The following CACNA1B variants were observed in gnomAD, a reference collection of about 807,000 sequenced individuals.
CACNA1B encodes voltage-dependent N-type calcium channel subunit alpha-1B.
A neutral mutation model predicts 247.2 loss-of-function variants in CACNA1B; 70 were observed. That is an observed-to-expected ratio of 0.28 (90% confidence interval 0.23 to 0.35). The LOEUF is 0.35. CACNA1B is among the 10% of genes least tolerant of loss of function. CACNA1B has a pLI of 1.00. For missense variants in CACNA1B, 2,367 were observed against 3,197.4 expected, an observed-to-expected ratio of 0.74 and a Z score of 6.26; for synonymous variants, 1,231 against 1,294.4, an observed-to-expected ratio of 0.95 and a Z score of 1.05.
intron 10 of CACNA1B, among the ~76,000 whole-genome samples, chr9:137,965,276 G>T (rs1298735938): frequency 6.6e-6 from 1 of 152,258 alleles, no homozygotes; most frequent in Non-Finnish European, 1.5e-5. Context: ...AGCTTTCCAA[G>T]TCCCACAGGC....
rs1172687323 is a variant in CACNA1B, at chr9:138,023,080, C to A, written c.2337C>A (p.Asn779Lys). The A allele has an allele frequency of 3.3e-6, 5 of 1,529,746 alleles. No individual in the cohort carries two copies. The highest frequency in any genetic ancestry group is 4.4e-6 in the Non-Finnish European group (5 of 1,145,028). 94.8% of individuals were successfully genotyped at this position (1,529,746 alleles called of 1,614,324 possible). A position where few individuals can be genotyped will look rare whatever the true frequency, so the allele number is the denominator to read the frequency against. The change falls in exon 19 of 47, where the codon AAC becomes AAA. Residue 779 changes from asparagine to lysine, a missense_variant. Physicochemically the swap from Asn to Lys is moderately conservative, Grantham distance 94 (BLOSUM62 0). This residue lies in a region of CACNA1B where 631 missense variants were observed against 631.1 expected (regional missense o/e 1.00). Transcript: ENST00000371372. ...GGGCCAGCCAGCTACGGCTGCAGAACCTGCGGGCCAGCTGCGAGGCGCTGT... is the reference window on the plus strand; with the variant it reads ...GGGCCAGCCAGCTACGGCTGCAGAAACTGCGGGCCAGCTGCGAGGCGCTGT... ...EQRASQLRLQ[N>K]LRASCEALYS...
chr9:137,906,164 C>A (rs1957296673), intron 3 of CACNA1B, among the ~76,000 whole-genome samples: 1 of 152,124 alleles, frequency 6.6e-6, no homozygotes, highest in Non-Finnish European at 1.5e-5. Flanking sequence ...ACTTTGAATT[C>A]TTCGTCAAAA....
At chr9:137,931,800 C>T (rs368572524) in intron 6 of CACNA1B, among the ~76,000 whole-genome samples, 3 of 151,974 alleles carry the variant, frequency 2.0e-5, no homozygotes, top group African/African-American at 4.8e-5. Flanking sequence ...GGTCTCTGGG[C>T]GAGAGGAAAT....
intron 42 of CACNA1B, among the ~76,000 whole-genome samples, chr9:138,117,186 C>T (rs1961897361): frequency 6.6e-6 from 1 of 152,082 alleles, no homozygotes. Flanking sequence ...CCGGGTGGGG[C>T]TGTTGGGGCA....
chr9:137,951,520 C>T (rs1957877932), intron 6 of CACNA1B, among the ~76,000 whole-genome samples: 1 of 152,218 alleles, frequency 6.6e-6, no homozygotes, highest in Non-Finnish European at 1.5e-5. Flanking sequence ...TTGGCACCCA[C>T]CACCCTCCTG....
chr9:138,039,304 C>T (rs1416411832), intron 20 of CACNA1B, among the ~76,000 whole-genome samples: 1 of 150,976 alleles, frequency 6.6e-6, no homozygotes, highest in Non-Finnish European at 1.5e-5. Flanking sequence ...TTGTATTTAT[C>T]TCTTTTCTTC....
chr9:138,019,602 G>T (rs1353479688), intron 18 of CACNA1B, among the ~76,000 whole-genome samples: 1 of 152,058 alleles, frequency 6.6e-6, no homozygotes, highest in Non-Finnish European at 1.5e-5. Flanking sequence ...GAAGTGGCCA[G>T]GTGTCCTGTC....
At position 138,011,590 on chromosome 9, in the gene CACNA1B, AC is replaced by A. The variant is rs1377468300; in HGVS notation, c.2160+1515del. ...GAGGATAAACTTGAATTTGTTTTAGACCTTCCAGGGGACTTTAGAACACTCC... is the reference window on the plus strand; with the variant it reads ...GAGGATAAACTTGAATTTGTTTTAGACTTCCAGGGGACTTTAGAACACTCC... On this transcript the variant is annotated intron_variant, in intron 17 of 46. Coordinates refer to ENST00000371372, the MANE Select transcript of CACNA1B (RefSeq NM_000718.4). This position sits in a 1 kb window ranked among gnomAD's most constrained non-coding sequence, Gnocchi z 4.2. Among the ~76,000 whole-genome samples, 121 of 152,202 alleles carry A rather than the reference AC, an allele frequency of 7.9e-4. No homozygotes were observed. Among genetic ancestry groups the A allele is most frequent in the Non-Finnish European group, 4.4e-5 (3 of 67,992 alleles).
rs1174837215 is a variant in CACNA1B, at chr9:138,062,574, C to T, written c.4668+2837C>T. On this transcript the variant is annotated intron_variant, in intron 31 of 46. Transcript: ENST00000371372. ...TTTGGTGTCATAGACAGCGATGTCTCTTGGTGACACACACAGCTGCCACCA... is the reference window on the plus strand; with the variant it reads ...TTTGGTGTCATAGACAGCGATGTCTTTTGGTGACACACACAGCTGCCACCA... Among the ~76,000 whole-genome samples, 3 of 152,320 alleles carry T rather than the reference C, an allele frequency of 2.0e-5. No homozygotes were observed. The East Asian group carries it at 5.8e-4, about 29-fold the overall frequency.
At chr9:138,033,499 C>T (rs1189262698) in intron 20 of CACNA1B, among the ~76,000 whole-genome samples, 1 of 152,056 alleles carries the variant, frequency 6.6e-6, no homozygotes, top group Non-Finnish European at 1.5e-5. Context: ...GTTATGAGCC[C>T]TAAGTCTTAT....
intron 8 of CACNA1B, among the ~76,000 whole-genome samples, chr9:137,956,341 C>T (rs1957947115): frequency 2.0e-5 from 3 of 152,160 alleles, no homozygotes; most frequent in Admixed American, 1.3e-4. Flanking sequence ...GCTGTGGGCC[C>T]TGCTGGCTTC....
intron 11 of CACNA1B, among the ~76,000 whole-genome samples, chr9:137,972,750 C>T (rs1434796285): frequency 6.6e-6 from 1 of 152,196 alleles, no homozygotes; most frequent in Non-Finnish European, 1.5e-5. Flanking sequence ...GTTTCCCAAA[C>T]TTGACATTGA....
rs115820995 is a variant in CACNA1B, at chr9:137,989,425, G to T, written c.1974+2571G>T. ...GAGTGGAGGCTCCCATGTGAGGTGCGAAAGAGAGGGTGGCCAGTGCCCCTT... is the reference window on the plus strand; with the variant it reads ...GAGTGGAGGCTCCCATGTGAGGTGCTAAAGAGAGGGTGGCCAGTGCCCCTT... On this transcript the variant is annotated intron_variant, in intron 15 of 46. Coordinates refer to ENST00000371372, the MANE Select transcript of CACNA1B (RefSeq NM_000718.4). 3.2e-3 allele frequency among the ~76,000 whole-genome samples: 490 copies of T among 152,226 alleles called. 4 individuals carry two copies. Among genetic ancestry groups the T allele is most frequent in the African/African-American group, 0.011 (473 of 41,542 alleles).
chr9:138,029,852 T>C (rs1463703062), intron 20 of CACNA1B, among the ~76,000 whole-genome samples: 2 of 152,170 alleles, frequency 1.3e-5, no homozygotes, highest in African/African-American at 4.8e-5. Context: ...TGACCTCAAG[T>C]GATCTGCCTT....
In CACNA1B at chr9:137,889,168, G is replaced by A. The variant is rs1326278091; in HGVS notation, c.530+6285G>A. Among the ~76,000 whole-genome samples, 125 of 150,482 alleles carry A rather than the reference G, an allele frequency of 8.3e-4. 5 individuals are homozygous for A. The South Asian group carries it at 0.022, about 27-fold the overall frequency. On this transcript the variant is annotated intron_variant, in intron 3 of 46. Coordinates refer to ENST00000371372, the MANE Select transcript of CACNA1B (RefSeq NM_000718.4). Reference sequence around the variant, plus strand: ...GGTGACAAGAGACACTGTGCCCGAGGGGCCAGGACACGTTGGAGCATGGAC... The same window carrying A: ...GGTGACAAGAGACACTGTGCCCGAGAGGCCAGGACACGTTGGAGCATGGAC...
chr9:138,079,543 G>A (rs1380019365), intron 36 of CACNA1B, among the ~76,000 whole-genome samples: 1 of 152,092 alleles, frequency 6.6e-6, no homozygotes, highest in Non-Finnish European at 1.5e-5. Context: ...AGGAGCTCAA[G>A]ACCAGCCTGG....
At chr9:137,892,379 C>A (rs866711025) in intron 3 of CACNA1B, 2 of 456,192 alleles carry the variant, frequency 4.4e-6, no homozygotes, top group Non-Finnish European at 8.8e-6. Context: ...CTGGGGCAGG[C>A]GGGATGCAGG....
At chr9:137,927,204 T>A (rs1232460672) in intron 6 of CACNA1B, among the ~76,000 whole-genome samples, 3 of 151,880 alleles carry the variant, frequency 2.0e-5, no homozygotes, top group African/African-American at 2.4e-5. Context: ...TTTTATTTAA[T>A]TTTTGTATAT....
In CACNA1B at chr9:138,122,899, G is replaced by C. The variant is rs1962150071; in HGVS notation, c.*900G>C. 6.6e-6 allele frequency: 1 copy of C among 152,232 alleles called. No individual in the cohort carries two copies. The highest frequency in any genetic ancestry group is 2.4e-5 in the African/African-American group (1 of 41,456). The allele number at this position is 152,232 out of a possible 1,614,324, so 9.4% of individuals were successfully genotyped here. A position where few individuals can be genotyped will look rare whatever the true frequency, so the allele number is the denominator to read the frequency against. On this transcript the variant is annotated 3_prime_UTR_variant, in exon 47 of 47. Coordinates refer to ENST00000371372, the MANE Select transcript of CACNA1B (RefSeq NM_000718.4). ...GCCTCGGGATCCATCACCGCAGGAT[G>C]CTGTGAAAAGTACTCGCGATGGCAG...
Sources: allele counts gnomAD v4.1 joint callset (sites outside exome capture counted in the v4.1 genomes callset), GRCh38; gene constraint gnomAD v4.1.1; regional missense constraint gnomAD v4.1.1; non-coding constraint Gnocchi (gnomAD v3.1); transcripts MANE v1.5; gene names NCBI Gene and HGNC (gene_info 2026-07-23, HGNC 2026-07-21).